Variants in TRAPPC8 observed in about 807,000 individuals in gnomAD.
The protein encoded by TRAPPC8 is trafficking protein particle complex subunit 8.
In TRAPPC8, 54 loss-of-function variants were observed where a neutral mutation model predicts 174.3. The ratio of observed to expected loss-of-function variants is 0.31; its 90% CI spans 0.25 to 0.39. The LOEUF (loss-of-function observed/expected upper bound fraction) is 0.39, where lower values mean the gene tolerates loss of function less well. Ranked by LOEUF, TRAPPC8 falls within the 10% of genes least tolerant of loss-of-function variation. TRAPPC8 has a pLI of 1.00. For synonymous variants in TRAPPC8, 630 were observed against 579.9 expected (o/e 1.09, Z -1.24); for missense variants, 1,531 against 1,699.1 (o/e 0.90, Z 1.74).
chr18:31,928,697 T>C (rs2037729423), intron 2 of TRAPPC8, among the ~76,000 whole-genome samples: 3 of 152,178 alleles, frequency 2.0e-5, no homozygotes, highest in Admixed American at 2.0e-4. Context: ...AATTAGACCT[T>C]ACTATGATTA....
intron 12 of TRAPPC8, among the ~76,000 whole-genome samples, chr18:31,878,040 G>A (rs550248312): frequency 2.6e-5 from 4 of 152,132 alleles, no homozygotes; most frequent in Admixed American, 2.6e-4. Context: ...AAGCTGCAAA[G>A]CTGTTTACTC....
intron 18 of TRAPPC8, among the ~76,000 whole-genome samples, chr18:31,865,226 T>C (rs1392636430): frequency 6.6e-6 from 1 of 152,098 alleles, no homozygotes; most frequent in Non-Finnish European, 1.5e-5. Context: ...ATTTGAATTA[T>C]TTCTGGAATA....
At chr18:31,908,478 A>G in intron 7 of TRAPPC8, 60 bp from the exon 8 acceptor site, 1 of 1,208,198 alleles carries the variant, frequency 8.3e-7, no homozygotes, top group Non-Finnish European at 1.1e-6. Context: ...TCCTTTACAT[A>G]AAAAAATTTT....
At position 31,849,595 on chromosome 18, in the gene TRAPPC8, C is replaced by A. The variant is rs763214838; in HGVS notation, c.3706G>T (p.Val1236Leu). The stretch of plus-strand genomic sequence containing the variant: ...CATAATATGACAATATTCAAATCTA[C>A]CTCACTGCATTTTTGAATCAATCTC... ...AVRLIQKCSE[V>L]DLNIVILWKA... Residue 1236 changes from valine (V) to leucine (L), a missense_variant, in exon 25 of 29, where the codon GTA (valine) becomes TTA (leucine). Val to Leu is a conservative substitution (Grantham distance 32, BLOSUM62 1). Coordinates refer to ENST00000283351, the MANE Select transcript of TRAPPC8 (RefSeq NM_014939.5). 6.2e-7 allele frequency: 1 copy of A among 1,610,122 alleles called. No individual in the cohort carries two copies. Among genetic ancestry groups the A allele is most frequent in the Non-Finnish European group, 8.5e-7 (1 of 1,178,622 alleles).
intron 24 of TRAPPC8, 111 bp from the exon 25 acceptor site, chr18:31,849,850 A>T: frequency 9.1e-7 from 1 of 1,093,864 alleles, no homozygotes; most frequent in African/African-American, 1.6e-5. Flanking sequence ...TTTTATTTCT[A>T]TAGCTTATAC....
intron 27 of TRAPPC8, among the ~76,000 whole-genome samples, chr18:31,834,116 T>TTG (rs761272503): frequency 7.1e-4 from 105 of 147,482 alleles, no homozygotes; most frequent in Non-Finnish European, 6.1e-4. Flanking sequence ...TGTTGTTGTT[T>TTG]TTTATTCTTT....
chr18:31,925,037 T>C (rs1009236722), intron 2 of TRAPPC8, among the ~76,000 whole-genome samples: 6 of 151,784 alleles, frequency 4.0e-5, no homozygotes, highest in Non-Finnish European at 8.8e-5. Context: ...AAAAAAACTA[T>C]AAGTAATAAA....
chr18:31,870,824 T>G, intron 15 of TRAPPC8, 102 bp downstream of exon 15: 1 of 1,120,724 alleles, frequency 8.9e-7, no homozygotes, highest in Non-Finnish European at 1.2e-6. Context: ...TAATTTATTT[T>G]TGCATCCCCA....
Position 31,942,980 on chromosome 18 carries a change from A to C in TRAPPC8, c.-216T>G. On this transcript the variant is annotated 5_prime_UTR_variant, in exon 1 of 29. It removes the in-frame stop codon of an upstream open reading frame in the 5' UTR. Transcript: ENST00000283351. ...CCCCTTCCCGTCACCGCCGCTTCTC[A>C]GCGCTCGTCCCCGCGTGCTCGCATT... The C allele has an allele frequency of 3.0e-6, 3 of 998,052 alleles. No individual in the cohort carries two copies. Among genetic ancestry groups the C allele is most frequent in the Non-Finnish European group, 3.9e-6 (3 of 772,670 alleles). The allele number at this position is 998,052 out of a possible 1,614,324, so 61.8% of individuals were successfully genotyped here. A position where few individuals can be genotyped will look rare whatever the true frequency, so the allele number is the denominator to read the frequency against.
intron 12 of TRAPPC8, among the ~76,000 whole-genome samples, chr18:31,883,962 G>C (rs1159651718): frequency 6.6e-6 from 1 of 152,158 alleles, no homozygotes; most frequent in Non-Finnish European, 1.5e-5. Context: ...GCTGAGGCAG[G>C]TGGATCGCCT....
In TRAPPC8 at chr18:31,903,107, CGCGT is replaced by C. The variant is rs201250224; in HGVS notation, c.1390-2086_1390-2083del. On this transcript the variant is annotated intron_variant, in intron 9 of 28. Transcript: ENST00000283351. ...TCCAGTGTCCTGCTTTTTGATTGCG[CGCGT>C]GCGTGCGTGCGTGTGTGTGTGTGTG... is the stretch of plus-strand genomic sequence containing the variant. Among the ~76,000 whole-genome samples, 4 of 137,610 alleles carry C rather than the reference CGCGT, an allele frequency of 2.9e-5. No individual in the cohort carries two copies. The South Asian group carries it at 6.8e-4, about 23-fold the overall frequency. 90.3% of individuals were successfully genotyped at this position (137,610 alleles called of 152,430 possible). A position where few individuals can be genotyped will look rare whatever the true frequency, so the allele number is the denominator to read the frequency against.
chr18:31,858,009 A>G (rs774106166), intron 19 of TRAPPC8, 27 bp from the exon 20 acceptor site: 1 of 1,531,674 alleles, frequency 6.5e-7, no homozygotes. Context: ...AAATATTATT[A>G]TTTGTCTGTT....
At chr18:31,913,316 T>C (rs2036997377) in intron 5 of TRAPPC8, 53 bp downstream of exon 5, 1 of 1,515,278 alleles carries the variant, frequency 6.6e-7, no homozygotes, top group Non-Finnish European at 8.8e-7. Flanking sequence ...AACCAAAACG[T>C]AAAAACTGAA....
intron 21 of TRAPPC8, 37 bp from the exon 22 acceptor site, chr18:31,853,982 GA>G: frequency 6.7e-7 from 1 of 1,499,042 alleles, no homozygotes; most frequent in Non-Finnish European, 9.2e-7. Flanking sequence ...TCAGGATTTA[GA>G]AGCACTAAAT....
rs149181913 is a variant in TRAPPC8, at chr18:31,874,811, C to T, written c.1729-107G>A. The T allele has an allele frequency of 2.7e-4, 223 of 837,134 alleles. No individual in the cohort carries two copies. In the African/African-American group the frequency reaches 3.6e-3, roughly 13 times the overall value. 51.9% of individuals were successfully genotyped at this position (837,134 alleles called of 1,614,324 possible). On this transcript the variant is annotated intron_variant, in intron 12 of 28. Coordinates refer to ENST00000283351, the MANE Select transcript of TRAPPC8 (RefSeq NM_014939.5). ...AACAATTAAGTAACTGGTTCTTCCT[C>T]TAAGGGGGACTGGGATAATGAAGAA...
intron 27 of TRAPPC8, 122 bp from the exon 28 acceptor site, chr18:31,832,295 G>C (rs2032420335): frequency 2.6e-6 from 1 of 383,674 alleles, no homozygotes; most frequent in East Asian, 4.3e-5. Flanking sequence ...TCAGATTCAA[G>C]AAGGAAAAAG....
At position 31,836,969 on chromosome 18, in the gene TRAPPC8, A is replaced by G. The variant is rs180855141; in HGVS notation, c.3983+2343T>C. ...AGTAGAGATGGGGTTTCACCGTGTT[A>G]GCCAGGATGGTCTTGATCTCCTGAC... On this transcript the variant is annotated intron_variant, in intron 27 of 28. Transcript: ENST00000283351. 3.3e-3 allele frequency among the ~76,000 whole-genome samples: 504 copies of G among 152,026 alleles called. 3 individuals are homozygous for G. Among genetic ancestry groups the G allele is most frequent in the Middle Eastern group, 6.8e-3 (2 of 294 alleles).
In TRAPPC8 at chr18:31,830,668, A is replaced by AT. The variant is rs1382817542; in HGVS notation, c.*86dup. ...AGGGATCAGATATCAATCAACCTCC[A>AT]TAACAAGTTAGGTATATCAAATACT... On this transcript the variant is annotated 3_prime_UTR_variant, in exon 29 of 29. Transcript: ENST00000283351. 1 of 1,141,262 alleles carries AT rather than the reference A, an allele frequency of 8.8e-7. No homozygotes were observed. Among genetic ancestry groups the AT allele is most frequent in the Non-Finnish European group, 1.2e-6 (1 of 807,614 alleles). 70.7% of individuals were successfully genotyped at this position (1,141,262 alleles called of 1,614,324 possible). A position where few individuals can be genotyped will look rare whatever the true frequency, so the allele number is the denominator to read the frequency against.
At chr18:31,927,494 T>A (rs2037666788) in intron 2 of TRAPPC8, among the ~76,000 whole-genome samples, 1 of 152,130 alleles carries the variant, frequency 6.6e-6, no homozygotes, top group Non-Finnish European at 1.5e-5. Flanking sequence ...TGACCTCAAG[T>A]GATCCACCCG....
Sources: gnomAD v4.1 joint callset for allele counts (sites outside exome capture counted in the v4.1 genomes callset) on GRCh38, gnomAD v4.1.1 for gene constraint, MANE v1.5 for transcripts, NCBI Gene and HGNC (gene_info 2026-07-23, HGNC 2026-07-21) for gene names.